The following MYOF variants were observed in gnomAD, a reference collection of about 807,000 sequenced individuals.
MYOF encodes fer-1-like 3, myoferlin.
A neutral mutation model predicts 284.2 loss-of-function variants in MYOF; 244 were observed. That is an observed-to-expected ratio of 0.86 (90% CI 0.77 to 0.95). The LOEUF (loss-of-function observed/expected upper bound fraction) is 0.95, where lower values mean the gene tolerates loss of function less well. Among genes scored for constraint, MYOF ranks in the 40% least tolerant of loss-of-function variants. The pLI, the probability that MYOF is intolerant of heterozygous loss-of-function variation, is 0.00. For missense variants in MYOF, 2,496 were observed against 2,560.6 expected, an observed-to-expected ratio of 0.97 and a Z score of 0.54; for synonymous variants, 904 against 919.7, an observed-to-expected ratio of 0.98 and a Z score of 0.31.
Position 93,360,564 on chromosome 10 carries a change from T to C in MYOF, c.2975-586A>G, listed in dbSNP as rs571595645. The stretch of plus-strand genomic sequence containing the variant: ...ATCGAGATCAGTGAGGAGCTTATAA[T>C]TGATTTGAAATCTTCTGGGTCAATG... On this transcript the variant is annotated intron_variant, in intron 28 of 53. Coordinates refer to ENST00000359263, the MANE Select transcript of MYOF (RefSeq NM_013451.4). Among the ~76,000 whole-genome samples, 8 of 152,370 alleles carry C rather than the reference T, an allele frequency of 5.3e-5. No individual in the cohort carries two copies. In the East Asian group the frequency reaches 1.2e-3, roughly 22 times the overall value.
At chr10:93,462,255 AG>A (rs1218084552) in intron 1 of MYOF, among the ~76,000 whole-genome samples, 3 of 152,100 alleles carry the variant, frequency 2.0e-5, no homozygotes, top group African/African-American at 4.8e-5. Context: ...TTTTTAGTAA[AG>A]ACAGGGTTTC....
At chr10:93,322,472 C>T (rs1225802638) in intron 48 of MYOF, among the ~76,000 whole-genome samples, 4 of 152,150 alleles carry the variant, frequency 2.6e-5, no homozygotes, top group South Asian at 4.1e-4. Flanking sequence ...CTGTACTGCA[C>T]GCAACATCTA....
chr10:93,480,004 A>G (rs563510397), intron 1 of MYOF, among the ~76,000 whole-genome samples: 11 of 152,344 alleles, frequency 7.2e-5, no homozygotes, highest in African/African-American at 2.6e-4. Flanking sequence ...TCAGATTTCA[A>G]TATAGTATTA....
intron 15 of MYOF, 194 bp downstream of exon 15, chr10:93,397,053 C>A (rs534020857): frequency 6.2e-6 from 3 of 482,560 alleles, no homozygotes; most frequent in African/African-American, 4.0e-5. Context: ...GCAGTTGAAC[C>A]GAAATAATCG....
intron 3 of MYOF, among the ~76,000 whole-genome samples, chr10:93,438,275 C>T (rs1221342469): frequency 6.6e-6 from 1 of 152,134 alleles, no homozygotes; most frequent in African/African-American, 2.4e-5. Context: ...TTCCTTCCCA[C>T]GAGTCTCCGT....
chr10:93,388,374 C>A (rs535077248), intron 18 of MYOF, among the ~76,000 whole-genome samples: 4 of 152,240 alleles, frequency 2.6e-5, no homozygotes, highest in Admixed American at 6.5e-5. Context: ...CTCAGAATAG[C>A]CAGGAAGTAA....
At chr10:93,328,454 G>C (rs1843153003) in intron 45 of MYOF, among the ~76,000 whole-genome samples, 1 of 152,174 alleles carries the variant, frequency 6.6e-6, no homozygotes, top group South Asian at 2.1e-4. Flanking sequence ...GGAAATTCCT[G>C]CACTACTGTA....
In MYOF at chr10:93,319,899, G is replaced by A. The variant is rs372691953; in HGVS notation, c.5571C>T (p.Ala1857=). ...TTTTCGCAACGATACAGAGTTGTTC[G>A]GCTGGAAGGTAGTCAAACGGGAAAA... ...RFVFPFDYLP[A]EQLCIVAKKE... Residue 1857 remains alanine, a synonymous_variant, in exon 49 of 54, where the codon GCC becomes GCT. Transcript: ENST00000359263. 3.5e-5 allele frequency: 56 copies of A among 1,614,054 alleles called. No homozygotes were observed. In the East Asian group the frequency reaches 8.7e-4, roughly 25 times the overall value.
chr10:93,338,618 A>G (rs545005550), intron 39 of MYOF: 1 of 428,134 alleles, frequency 2.3e-6, no homozygotes, highest in African/African-American at 2.0e-5. Flanking sequence ...AACGAAAGGC[A>G]GGAGGCATCA....
At chr10:93,455,693 T>A (rs2985073) in intron 2 of MYOF, among the ~76,000 whole-genome samples, 1 of 151,930 alleles carries the variant, frequency 6.6e-6, no homozygotes. Flanking sequence ...ACCCAGAAGG[T>A]TCTAGTCTTT....
At chr10:93,445,785 A>G (rs1261271549) in intron 3 of MYOF, among the ~76,000 whole-genome samples, 1 of 152,218 alleles carries the variant, frequency 6.6e-6, no homozygotes, top group Non-Finnish European at 1.5e-5. Context: ...TCATGTTTGC[A>G]CAGGCCATCG....
Position 93,323,126 on chromosome 10 carries a change from T to A in MYOF, c.5408A>T (p.Asp1803Val). Reference protein sequence around the residue: ...IIWNTKDVILDEKSITGEEMS... With the variant: ...IIWNTKDVILVEKSITGEEMS... Reference sequence around the variant, plus strand: ...TTCCTCTCCTGTGATGCTTTTCTCGTCCAAGATAACGTCCTTGGTGTTCCA... The same window carrying A: ...TTCCTCTCCTGTGATGCTTTTCTCGACCAAGATAACGTCCTTGGTGTTCCA... Residue 1803 changes from aspartate (D) to valine (V), a missense_variant, in exon 48 of 54, where the codon GAC (aspartate) becomes GTC (valine). Coordinates refer to ENST00000359263, the MANE Select transcript of MYOF (RefSeq NM_013451.4). 1 of 1,614,170 alleles carries A rather than the reference T, an allele frequency of 6.2e-7. No individual in the cohort carries two copies. The highest frequency in any genetic ancestry group is 8.5e-7 in the Non-Finnish European group (1 of 1,179,964).
At chr10:93,390,940 T>C (rs1367471055) in intron 17 of MYOF, among the ~76,000 whole-genome samples, 9 of 152,212 alleles carry the variant, frequency 5.9e-5, no homozygotes, top group Admixed American at 5.9e-4. Context: ...TGATGCAACT[T>C]GTCAAAAGTC....
At chr10:93,322,605 T>G (rs760291343) in intron 48 of MYOF, among the ~76,000 whole-genome samples, 5 of 152,234 alleles carry the variant, frequency 3.3e-5, no homozygotes, top group Non-Finnish European at 7.3e-5. Context: ...CAGTGCAGGT[T>G]GGGAGAATAA....
chr10:93,389,046 T>C lies in MYOF; in HGVS notation c.1565A>G (p.Glu522Gly). Residue 522 changes from glutamate (E) to glycine (G), a missense_variant, in exon 18 of 54, where the codon GAG becomes GGG. By Grantham distance (98) the Glu-to-Gly change is moderately conservative. Around this residue, in one of 3 missense-constraint regions of MYOF, gnomAD observed 2,436 missense variants for 2,480.7 expected, o/e 0.98. Transcript: ENST00000359263. The part of the protein sequence containing the change: ...EYTGFPDPYD[E>G]LNTGKGEGVA... ...GAAACCAACCTTTCCAGTATTCAGC[T>C]CATCATAGGGGTCTGGGAATCCCGT... 1.9e-6 allele frequency: 3 copies of C among 1,613,576 alleles called. No individual in the cohort carries two copies. The highest frequency in any genetic ancestry group is 2.5e-6 in the Non-Finnish European group (3 of 1,179,866).
chr10:93,320,420 T>G lies in MYOF; in HGVS notation c.5457-407A>C, dbSNP rs577721497. 1.1e-4 allele frequency among the ~76,000 whole-genome samples: 16 copies of G among 152,304 alleles called. No individual in the cohort carries two copies. The South Asian group carries it at 2.5e-3, about 24-fold the overall frequency. On this transcript the variant is annotated intron_variant, in intron 48 of 53. Transcript: ENST00000359263. ...TAAATGAATATGAGTTAGCTCAAAATTTTAGCATTTCCTTTCCCATATTTT... is the reference window on the plus strand; with the variant it reads ...TAAATGAATATGAGTTAGCTCAAAAGTTTAGCATTTCCTTTCCCATATTTT...
At position 93,328,934 on chromosome 10, in the gene MYOF, C is replaced by A. The variant is rs201534733; in HGVS notation, c.4983-23G>T. 7.0e-6 allele frequency: 11 copies of A among 1,574,054 alleles called. No homozygotes were observed. In the South Asian group the frequency reaches 1.1e-4, roughly 16 times the overall value. On this transcript the variant is annotated intron_variant, in intron 44 of 53. Coordinates refer to ENST00000359263, the MANE Select transcript of MYOF (RefSeq NM_013451.4). ...GAACTGTGAATAGCATCACGTGGCT[C>A]GGAGTTACGGAGGAGCCTGCAGGTT...
At chr10:93,402,130 G>T in intron 11 of MYOF, 102 bp downstream of exon 11, 1 of 845,322 alleles carries the variant, frequency 1.2e-6, no homozygotes, top group South Asian at 1.5e-5. Context: ...GGGTATTGAC[G>T]GGAAGCTGTG....
chr10:93,348,630 C>T (rs1844353535), intron 36 of MYOF, among the ~76,000 whole-genome samples: 1 of 151,784 alleles, frequency 6.6e-6, no homozygotes, highest in Admixed American at 6.6e-5. Flanking sequence ...CACTTTGGGA[C>T]CCTGGCTGGC....
Sources: allele counts gnomAD v4.1 joint callset (sites outside exome capture counted in the v4.1 genomes callset), GRCh38; gene constraint gnomAD v4.1.1; regional missense constraint gnomAD v4.1.1; transcripts MANE v1.5; gene names NCBI Gene and HGNC (gene_info 2026-07-23, HGNC 2026-07-21).